Variants in MGST1 observed in about 807,000 individuals in gnomAD.
The protein encoded by MGST1 is glutathione S-transferase 12.
In MGST1, 5 loss-of-function variants were observed where a neutral mutation model predicts 8.9. The observed-to-expected ratio is 0.56, with a 90% CI of 0.29 to 1.19. The LOEUF is 1.19. Ranked by LOEUF, MGST1 falls within the 50% of genes most tolerant of loss-of-function variation. The pLI is 0.08. For missense variants in MGST1, 182 were observed against 187.4 expected (o/e 0.97, Z 0.17); for synonymous variants, 54 against 67.8 (o/e 0.80, Z 1.00).
chr12:16,512,932 T>C (rs1484971640), intron 4 of MGST1, among the ~76,000 whole-genome samples: 1 of 152,198 alleles, frequency 6.6e-6, no homozygotes, highest in Admixed American at 6.5e-5. Flanking sequence ...CCATGTGACC[T>C]GACAGCCAGG....
intron 4 of MGST1, chr12:16,551,186 A>T: frequency 8.0e-7 from 1 of 1,255,838 alleles, no homozygotes; most frequent in Non-Finnish European, 1.2e-6. Flanking sequence ...AAAAGAATGT[A>T]GTGCTTTGTA....
rs145513472 is a variant in MGST1 at position 16,433,904 on chromosome 12, C to G, written n.779-3484C>G. On this transcript the variant is annotated intron_variant and non_coding_transcript_variant, in intron 1 of 1. Coordinates refer to the MGST1 transcript ENST00000359720. The stretch of plus-strand genomic sequence containing the variant: ...ATTTTGGGATAGGAATCCAGTAGTC[C>G]ATGTCAATTTTCCATCTTATCAGAA... Among the ~76,000 whole-genome samples the G allele has an allele frequency of 3.5e-3, 537 of 152,140 alleles. 2 individuals carry two copies. The highest frequency in any genetic ancestry group is 0.012 in the African/African-American group (501 of 41,526).
rs538251217 is a variant in MGST1, at chr12:16,478,191, A to G, written n.482+94587A>G. ...ACTATAGGCGCGTGCCACCACGCCC[A>G]GCTAATTTTTGTATTTTTAGCAGAG... On this transcript the variant is annotated intron_variant and non_coding_transcript_variant, in intron 4 of 4. Coordinates refer to the MGST1 transcript ENST00000538857. Among the ~76,000 whole-genome samples the G allele has an allele frequency of 7.6e-4, 115 of 151,952 alleles. 3 individuals carry two copies. Among genetic ancestry groups the G allele is most frequent in the Admixed American group, 5.6e-3 (85 of 15,120 alleles).
chr12:16,381,640 T>C (rs1940454714), downstream of MGST1, among the ~76,000 whole-genome samples: 1 of 152,148 alleles, frequency 6.6e-6, no homozygotes, highest in Non-Finnish European at 1.5e-5. Context: ...TCGAGGAGTA[T>C]CTTTGTGGCA....
intron 4 of MGST1, among the ~76,000 whole-genome samples, chr12:16,501,398 A>G (rs1054195565): frequency 2.0e-5 from 3 of 152,244 alleles, no homozygotes; most frequent in Admixed American, 6.5e-5. Context: ...AACCGCACAC[A>G]CAGTGTGGCA....
In MGST1 at chr12:16,401,451, A is replaced by C. The variant is rs760172911; in HGVS notation, n.778+17847A>C. The C allele has an allele frequency of 4.3e-5, 36 of 835,698 alleles. No individual in the cohort carries two copies. Among genetic ancestry groups the C allele is most frequent in the Non-Finnish European group, 7.1e-5 (34 of 479,026 alleles). 51.8% of individuals were successfully genotyped at this position (835,698 alleles called of 1,614,324 possible). ...CCACGTCCATGACAGCATTATATAC[A>C]TCACATATCTTCACACCATGTCTTA... On this transcript the variant is annotated intron_variant and non_coding_transcript_variant, in intron 1 of 1. Coordinates refer to the MGST1 transcript ENST00000359720. This position sits in a 1 kb window ranked among gnomAD's most constrained non-coding sequence, Gnocchi z 4.3.
chr12:16,456,387 T>A (rs922174371), intron 4 of MGST1, among the ~76,000 whole-genome samples: 58 of 151,882 alleles, frequency 3.8e-4, no homozygotes, highest in African/African-American at 1.4e-3. Context: ...AAAATATAGT[T>A]TATCTTAATT....
chr12:16,452,622 C>G (rs746348572), intron 4 of MGST1, among the ~76,000 whole-genome samples: 29 of 151,810 alleles, frequency 1.9e-4, no homozygotes, highest in South Asian at 2.1e-4. Flanking sequence ...CAGTATTTAT[C>G]CCATCAATCC....
At position 16,410,067 on chromosome 12, in the gene MGST1, ACT is replaced by A. The variant is rs1940730361; in HGVS notation, n.778+26466_778+26467del. Among the ~76,000 whole-genome samples the A allele has an allele frequency of 2.0e-5, 3 of 152,170 alleles. No individual in the cohort carries two copies. In the South Asian group the frequency reaches 6.2e-4, roughly 32 times the overall value. ...AGTGGGGTAGTGTAGCGCAGATTTA[ACT>A]CTGAGCTTTCTCTTTGCTGTTCATA... is the stretch of plus-strand genomic sequence containing the variant. On this transcript the variant is annotated intron_variant and non_coding_transcript_variant, in intron 1 of 1. Transcript: ENST00000359720. This position sits in a 1 kb window ranked among gnomAD's most constrained non-coding sequence, Gnocchi z 4.4.
intron 4 of MGST1, among the ~76,000 whole-genome samples, chr12:16,531,901 C>G (rs1941726260): frequency 6.6e-6 from 1 of 152,054 alleles, no homozygotes; most frequent in East Asian, 1.9e-4. Context: ...ACAGGCTTTC[C>G]CTTTGTCAAT....
intron 4 of MGST1, among the ~76,000 whole-genome samples, chr12:16,455,622 C>T (rs1941166074): frequency 6.6e-6 from 1 of 151,802 alleles, no homozygotes; most frequent in African/African-American, 2.4e-5. Flanking sequence ...CAAGAAGCCT[C>T]ATCAAGTGAA....
intron 1 of MGST1, among the ~76,000 whole-genome samples, chr12:16,404,638 C>T (rs1208846539): frequency 3.3e-5 from 5 of 152,246 alleles, no homozygotes; most frequent in Non-Finnish European, 7.4e-5. Flanking sequence ...TTCTCTGGGA[C>T]ATTTCAAGGA....
At chr12:16,450,563 G>GT (rs1565457164) in intron 4 of MGST1, among the ~76,000 whole-genome samples, 1 of 151,880 alleles carries the variant, frequency 6.6e-6, no homozygotes, top group South Asian at 2.1e-4. Flanking sequence ...AGAAAATACT[G>GT]TAACAGGCTT....
Position 16,363,711 on chromosome 12 carries a change from A to G in MGST1, c.222-84A>G. 1 of 1,205,834 alleles carries G rather than the reference A, an allele frequency of 8.3e-7. No individual in the cohort carries two copies. The highest frequency in any genetic ancestry group is 1.1e-6 in the Non-Finnish European group (1 of 888,106). 74.7% of individuals were successfully genotyped at this position (1,205,834 alleles called of 1,614,324 possible). On this transcript the variant is annotated intron_variant, in intron 3 of 3. Coordinates refer to ENST00000396210, the MANE Select transcript of MGST1 (RefSeq NM_020300.5). This position sits in a 1 kb window ranked among gnomAD's most constrained non-coding sequence, Gnocchi z 4.6. The stretch of plus-strand genomic sequence containing the variant: ...AATTTAAGGATCCATTAGTGCTCAG[A>G]TTTAGTTTTTAGAAGAGAGAGAAAA...
At chr12:16,556,266 T>C (rs558156469) in intron 4 of MGST1, among the ~76,000 whole-genome samples, 1 of 152,192 alleles carries the variant, frequency 6.6e-6, no homozygotes, top group South Asian at 2.1e-4. Flanking sequence ...ACCTGTTATA[T>C]AGAATCTTCC....
chr12:16,590,345 A>C (rs1038062505), downstream of MGST1, among the ~76,000 whole-genome samples: 1 of 152,072 alleles, frequency 6.6e-6, no homozygotes, highest in Non-Finnish European at 1.5e-5. Context: ...TAATTCACGA[A>C]ATTGTTTTAA....
At chr12:16,386,305 G>T (rs1354309808) in intron 1 of MGST1, among the ~76,000 whole-genome samples, 1 of 152,226 alleles carries the variant, frequency 6.6e-6, no homozygotes, top group African/African-American at 2.4e-5. Flanking sequence ...CTGCTGGATA[G>T]AAGGAAAGTG....
intron 4 of MGST1, among the ~76,000 whole-genome samples, chr12:16,461,412 C>T (rs370153468): frequency 5.3e-5 from 8 of 152,236 alleles, no homozygotes; most frequent in South Asian, 2.1e-4. Flanking sequence ...GTTTATCAGA[C>T]GTACAACCAG....
At chr12:16,483,655 A>G (rs926281992) in intron 4 of MGST1, among the ~76,000 whole-genome samples, 6 of 152,336 alleles carry the variant, frequency 3.9e-5, no homozygotes, top group African/African-American at 1.4e-4. Flanking sequence ...GTTCACCAGT[A>G]ATATAGAACC....
Sources: allele counts gnomAD v4.1 joint callset (sites outside exome capture counted in the v4.1 genomes callset), GRCh38; gene constraint gnomAD v4.1.1; non-coding constraint Gnocchi (gnomAD v3.1); transcripts MANE v1.5; gene names NCBI Gene and HGNC (gene_info 2026-07-23, HGNC 2026-07-21).